ARHGAP15: variants seen among roughly 807,000 people sequenced by gnomAD.
The protein encoded by ARHGAP15 is rho GTPase-activating protein 15.
ARHGAP15 carries 51 observed loss-of-function variants against 63.7 expected under a neutral mutation model. That is an observed-to-expected ratio of 0.80 (90% confidence interval 0.64 to 1.01). ARHGAP15 has a LOEUF of 1.01. Ranked by LOEUF, ARHGAP15 falls within the 50% of genes least tolerant of loss-of-function variation. The pLI, the probability that ARHGAP15 is intolerant of heterozygous loss-of-function variation, is 0.00. For missense variants in ARHGAP15, 560 were observed against 564.6 expected (o/e 0.99, Z 0.08); for synonymous variants, 191 against 193.8 (o/e 0.99, Z 0.12).
At chr2:143,608,807 T>C (rs1427636110) in intron 11 of ARHGAP15, 1 of 152,242 alleles carries the variant, frequency 6.6e-6, no homozygotes, top group Non-Finnish European at 1.5e-5. Flanking sequence ...CTGATGCAGT[T>C]AGCTGACATT....
intron 2 of ARHGAP15, among the ~76,000 whole-genome samples, chr2:143,163,706 GA>G (rs1690388562): frequency 6.6e-6 from 1 of 152,068 alleles, no homozygotes; most frequent in Non-Finnish European, 1.5e-5. Flanking sequence ...TGTCATCACA[GA>G]AATCTATAGT....
At chr2:143,493,353 C>T (rs1692671240) in intron 9 of ARHGAP15, among the ~76,000 whole-genome samples, 1 of 152,166 alleles carries the variant, frequency 6.6e-6, no homozygotes, top group Non-Finnish European at 1.5e-5. Flanking sequence ...CATGTAAATA[C>T]TATCAAATCT....
chr2:143,720,226 T>C (rs1211665775), intron 13 of ARHGAP15, among the ~76,000 whole-genome samples: 1 of 152,212 alleles, frequency 6.6e-6, no homozygotes, highest in Non-Finnish European at 1.5e-5. Flanking sequence ...ATTAGCAGTC[T>C]GTAGCCACAC....
chr2:143,317,197 GTCCCCCA>G (rs1683760770), intron 6 of ARHGAP15, among the ~76,000 whole-genome samples: 1 of 151,940 alleles, frequency 6.6e-6, no homozygotes, highest in Non-Finnish European at 1.5e-5. Context: ...TGTCTTTCTT[GTCCCCCA>G]GTGCCTATAA....
intron 13 of ARHGAP15, among the ~76,000 whole-genome samples, chr2:143,727,559 A>T (rs1685337396): frequency 6.6e-6 from 1 of 152,166 alleles, no homozygotes. Flanking sequence ...GAGCCCAGGG[A>T]CTCCAGTTAA....
intron 10 of ARHGAP15, among the ~76,000 whole-genome samples, chr2:143,545,044 G>C (rs10084164): frequency 5.9e-5 from 9 of 152,154 alleles, no homozygotes; most frequent in East Asian, 5.8e-4. Context: ...GTTTCGAAAG[G>C]CAGCAATAAG....
intron 10 of ARHGAP15, among the ~76,000 whole-genome samples, chr2:143,530,579 C>T (rs1396279928): frequency 6.6e-6 from 1 of 151,442 alleles, no homozygotes; most frequent in Non-Finnish European, 1.5e-5. Flanking sequence ...AGGCATTGTG[C>T]CTACTTCCTT....
chr2:143,235,880 T>G, intron 5 of ARHGAP15: 2 of 1,489,462 alleles, frequency 1.3e-6, no homozygotes. Context: ...GTGAAGTATT[T>G]CAATTGACTC....
chr2:143,360,739 G>A (rs1178977894), intron 6 of ARHGAP15, among the ~76,000 whole-genome samples: 2 of 152,146 alleles, frequency 1.3e-5, no homozygotes, highest in East Asian at 1.9e-4. Flanking sequence ...CTGTGACTAT[G>A]TGAAGGTGGA....
intron 12 of ARHGAP15, among the ~76,000 whole-genome samples, chr2:143,632,341 G>T (rs541944478): frequency 1.3e-5 from 2 of 151,888 alleles, no homozygotes; most frequent in East Asian, 3.9e-4. Flanking sequence ...CATATATATT[G>T]TGTTCATATA....
chr2:143,552,754 TAAAA>T (rs1365886599), intron 10 of ARHGAP15, among the ~76,000 whole-genome samples: 1 of 152,152 alleles, frequency 6.6e-6, no homozygotes, highest in Non-Finnish European at 1.5e-5. Flanking sequence ...TATTTAAAAA[TAAAA>T]AATAAAATGA....
chr2:143,702,156 A>G (rs139403758), intron 12 of ARHGAP15, among the ~76,000 whole-genome samples: 2 of 152,318 alleles, frequency 1.3e-5, no homozygotes, highest in East Asian at 3.9e-4. Context: ...TAGAATCATC[A>G]AGAGCCCTGT....
chr2:143,212,610 C>G (rs1454583451), intron 3 of ARHGAP15, among the ~76,000 whole-genome samples: 1 of 152,114 alleles, frequency 6.6e-6, no homozygotes, highest in African/African-American at 2.4e-5. Context: ...TTACTGGAGA[C>G]AAGACCATCT....
chr2:143,250,654 T>G, intron 6 of ARHGAP15, 54 bp downstream of exon 6: 2 of 1,454,584 alleles, frequency 1.4e-6, no homozygotes, highest in Non-Finnish European at 1.9e-6. Flanking sequence ...ATCTGAGCTC[T>G]CTTGGGTAAC....
intron 6 of ARHGAP15, among the ~76,000 whole-genome samples, chr2:143,308,935 CAA>C (rs35757623): frequency 0.034 from 3,610 of 107,158 alleles, 66 homozygotes; most frequent in East Asian, 0.2. Context: ...TCCTGGCAGC[CAA>C]AAAAAAAAAA....
At chr2:143,359,156 C>G (rs766781245) in intron 6 of ARHGAP15, among the ~76,000 whole-genome samples, 1 of 152,096 alleles carries the variant, frequency 6.6e-6, no homozygotes, top group Non-Finnish European at 1.5e-5. Context: ...GTGGTAGGAA[C>G]AAAATTCCTT....
rs148002141 is a variant in ARHGAP15, at chr2:143,682,693, T to C, written c.1139-20726T>C. The stretch of plus-strand genomic sequence containing the variant: ...CAGTACTTACCAATAGCTACATGAA[T>C]AATCCTTCAATCTCATTAGCAGAGG... On this transcript the variant is annotated intron_variant, in intron 12 of 13. Coordinates refer to ENST00000295095, the MANE Select transcript of ARHGAP15 (RefSeq NM_018460.4). 6 of 152,330 alleles carry C rather than the reference T, an allele frequency of 3.9e-5. No homozygotes were observed. The East Asian group carries it at 1.2e-3, about 29-fold the overall frequency. The allele number at this position is 152,330 out of a possible 1,614,324, so 9.4% of individuals were successfully genotyped here.
At chr2:143,667,030 G>A (rs1682239137) in intron 12 of ARHGAP15, among the ~76,000 whole-genome samples, 2 of 148,370 alleles carry the variant, frequency 1.3e-5, no homozygotes, top group South Asian at 4.4e-4. Context: ...CAGGGATCTA[G>A]AACTAGAAAT....
intron 6 of ARHGAP15, among the ~76,000 whole-genome samples, chr2:143,404,165 A>G (rs13405986): frequency 0.27 from 40,373 of 151,680 alleles, 6,504 homozygotes; most frequent in Non-Finnish European, 0.37. Flanking sequence ...TAGGGGTTAG[A>G]ATATACTGAT....
Sources: allele counts gnomAD v4.1 joint callset (sites outside exome capture counted in the v4.1 genomes callset), GRCh38; gene constraint gnomAD v4.1.1; transcripts MANE v1.5; gene names NCBI Gene and HGNC (gene_info 2026-07-23, HGNC 2026-07-21).